PRKAG2: variants seen among roughly 807,000 people sequenced by gnomAD.
The protein encoded by PRKAG2 is protein kinase AMP-activated non-catalytic subunit gamma 2, also known as 5'-AMP-activated protein kinase subunit gamma-2.
Under a neutral mutation model 69.6 loss-of-function variants are expected in PRKAG2, and 26 were observed. That is an observed-to-expected ratio of 0.37 (90% CI 0.27 to 0.52). The LOEUF (loss-of-function observed/expected upper bound fraction) is 0.52, where lower values mean the gene tolerates loss of function less well. Among genes scored for constraint, PRKAG2 ranks in the 20% least tolerant of loss-of-function variants. PRKAG2 has a pLI of 0.90. For missense variants in PRKAG2, 557 were observed against 740.0 expected, an observed-to-expected ratio of 0.75 and a Z score of 2.87; for synonymous variants, 293 against 285.0, an observed-to-expected ratio of 1.03 and a Z score of -0.28.
intron 11 of PRKAG2, among the ~76,000 whole-genome samples, chr7:151,566,932 T>C (rs573163717): frequency 6.6e-6 from 1 of 152,306 alleles, no homozygotes; most frequent in South Asian, 2.1e-4. Context: ...AATATTCTGG[T>C]AGCATGATTC....
At chr7:151,592,801 A>G (rs1456978454) in intron 6 of PRKAG2, among the ~76,000 whole-genome samples, 1 of 152,166 alleles carries the variant, frequency 6.6e-6, no homozygotes, top group African/African-American at 2.4e-5. Context: ...GTACGCGGCT[A>G]TTTTGTTTGC....
chr7:151,601,849 C>T (rs1816162192), intron 5 of PRKAG2, among the ~76,000 whole-genome samples: 1 of 152,194 alleles, frequency 6.6e-6, no homozygotes, highest in East Asian at 1.9e-4. Flanking sequence ...CACTGCAAAC[C>T]AATGGAGGGG....
intron 3 of PRKAG2, among the ~76,000 whole-genome samples, chr7:151,742,635 A>AAAAAT (rs948708228): frequency 6.6e-6 from 1 of 151,396 alleles, no homozygotes; most frequent in Non-Finnish European, 1.5e-5. Flanking sequence ...CAAAAAAAAA[A>AAAAAT]AAAATAAAAT....
At chr7:151,820,676 C>T (rs370005961) in intron 1 of PRKAG2, among the ~76,000 whole-genome samples, 4 of 152,316 alleles carry the variant, frequency 2.6e-5, no homozygotes, top group African/African-American at 9.6e-5. Context: ...TCCAACTTCA[C>T]GTCTCCCACA....
intron 5 of PRKAG2, among the ~76,000 whole-genome samples, chr7:151,596,647 G>A (rs2151141607): frequency 6.6e-6 from 1 of 152,274 alleles, no homozygotes; most frequent in East Asian, 1.9e-4. Context: ...TTCTCAGGAG[G>A]CTGAGGCACG....
At chr7:151,826,798 T>C (rs2078913203) in intron 1 of PRKAG2, among the ~76,000 whole-genome samples, 1 of 152,240 alleles carries the variant, frequency 6.6e-6, no homozygotes, top group Non-Finnish European at 1.5e-5. Context: ...AATACCACTT[T>C]TGAGTTAAAT....
chr7:151,573,332 GGTTT>G (rs1808106265), intron 8 of PRKAG2, among the ~76,000 whole-genome samples: 4 of 118,120 alleles, frequency 3.4e-5, no homozygotes, highest in African/African-American at 1.3e-4. Flanking sequence ...AATTTTTGTG[GGTTT>G]TTTTTTTTTT....
intron 6 of PRKAG2, among the ~76,000 whole-genome samples, chr7:151,588,739 T>C (rs1245164937): frequency 6.6e-6 from 1 of 152,120 alleles, no homozygotes. Flanking sequence ...ATGACTTGCT[T>C]CTCCTTGCCT....
intron 5 of PRKAG2, among the ~76,000 whole-genome samples, chr7:151,603,138 C>T (rs763766210): frequency 6.6e-6 from 1 of 151,226 alleles, no homozygotes; most frequent in Non-Finnish European, 1.5e-5. Context: ...CCATACTCAC[C>T]GCACACGGAG....
intron 2 of PRKAG2, among the ~76,000 whole-genome samples, chr7:151,782,338 A>G (rs1682151715): frequency 4.1e-5 from 1 of 24,640 alleles, no homozygotes; most frequent in African/African-American, 1.1e-4. Context: ...GGAAGGAAGG[A>G]AGGAGGGAGG....
chr7:151,635,179 G>A (rs555967819), intron 4 of PRKAG2, among the ~76,000 whole-genome samples: 9 of 152,210 alleles, frequency 5.9e-5, no homozygotes, highest in East Asian at 3.9e-4. Context: ...TTGAACTCCC[G>A]ACCTCAGGTG....
intron 5 of PRKAG2, among the ~76,000 whole-genome samples, chr7:151,625,073 C>T (rs1337027063): frequency 6.6e-6 from 1 of 152,154 alleles, no homozygotes; most frequent in African/African-American, 2.4e-5. Context: ...ACAGAGCTTA[C>T]AATGTAATGG....
intron 1 of PRKAG2, among the ~76,000 whole-genome samples, chr7:151,797,804 C>T (rs143416489): frequency 2.6e-5 from 4 of 152,292 alleles, no homozygotes; most frequent in Non-Finnish European, 4.4e-5. Context: ...ACTTCCATCC[C>T]GGGGTGAGCC....
At chr7:151,764,649 C>T (rs188599732) in intron 3 of PRKAG2, among the ~76,000 whole-genome samples, 2 of 152,344 alleles carry the variant, frequency 1.3e-5, no homozygotes, top group Non-Finnish European at 2.9e-5. Context: ...ACCAGAAGCC[C>T]GGAGACCTCA....
intron 6 of PRKAG2, among the ~76,000 whole-genome samples, chr7:151,580,153 G>A (rs1326592161): frequency 6.6e-6 from 1 of 152,128 alleles, no homozygotes; most frequent in Admixed American, 6.5e-5. Flanking sequence ...AGACCAGCCT[G>A]GCCAACGTGA....
chr7:151,630,846 G>GT, intron 5 of PRKAG2, among the ~76,000 whole-genome samples: 1 of 152,340 alleles, frequency 6.6e-6, no homozygotes, highest in East Asian at 1.9e-4. Flanking sequence ...TTATTTTTCT[G>GT]TAGGATGAAA....
intron 4 of PRKAG2, among the ~76,000 whole-genome samples, chr7:151,663,391 T>G (rs1046772460): frequency 6.6e-6 from 1 of 152,176 alleles, no homozygotes; most frequent in African/African-American, 2.4e-5. Flanking sequence ...TGTTTTTGTT[T>G]TTCAAACAGG....
chr7:151,568,949 T>TAAA, intron 10 of PRKAG2, 107 bp from the exon 11 acceptor site: 1 of 1,298,644 alleles, frequency 7.7e-7, no homozygotes, highest in Non-Finnish European at 1.1e-6. Context: ...ATTGCAATAA[T>TAAA]AACAGTGTTT....
At chr7:151,783,199 G>C (rs374577804) in intron 2 of PRKAG2, among the ~76,000 whole-genome samples, 5 of 152,364 alleles carry the variant, frequency 3.3e-5, no homozygotes, top group African/African-American at 1.2e-4. Flanking sequence ...CTCTCCAGCC[G>C]AAAGAGCCGG....
Sources: gnomAD v4.1 joint callset for allele counts (sites outside exome capture counted in the v4.1 genomes callset) on GRCh38, gnomAD v4.1.1 for gene constraint, MANE v1.5 for transcripts, NCBI Gene and HGNC (gene_info 2026-07-23, HGNC 2026-07-21) for gene names.